ABCA4: variants seen among roughly 807,000 people sequenced by gnomAD.
The protein encoded by ABCA4 is ATP binding cassette subfamily A member 4, also known as retinal-specific phospholipid-transporting ATPase ABCA4.
Under a neutral mutation model 263.7 loss-of-function variants are expected in ABCA4, and 196 were observed. That is an observed-to-expected ratio of 0.74 (90% CI 0.66 to 0.84). The LOEUF (loss-of-function observed/expected upper bound fraction) is 0.84, where lower values mean the gene tolerates loss of function less well. Among genes scored for constraint, ABCA4 ranks in the 40% least tolerant of loss-of-function variants. The pLI, the probability that ABCA4 is intolerant of heterozygous loss-of-function variation, is 0.00. For synonymous variants in ABCA4, 1,133 were observed against 1,094.2 expected (o/e 1.04, Z -0.70); for missense variants, 2,792 against 2,855.1 (o/e 0.98, Z 0.50).
intron 45 of ABCA4, chr1:94,001,506 C>T (rs1472269051): frequency 1.1e-5 from 6 of 549,728 alleles, no homozygotes; most frequent in Non-Finnish European, 2.1e-5. Context: ...CCTGGCCTGG[C>T]TCAGCTCAGG....
At chr1:93,994,289 A>G (rs1304424300) in intron 49 of ABCA4, among the ~76,000 whole-genome samples, 2 of 152,240 alleles carry the variant, frequency 1.3e-5, no homozygotes, top group African/African-American at 4.8e-5. Flanking sequence ...AGAGTATAAG[A>G]TTGCATAAGA....
In ABCA4 at chr1:94,098,911, G is replaced by C; in HGVS notation, c.651C>G (p.Ser217Arg). 1 of 1,613,878 alleles carries C rather than the reference G, an allele frequency of 6.2e-7. No homozygotes were observed. The highest frequency in any genetic ancestry group is 2.2e-5 in the East Asian group (1 of 44,878). The change falls in exon 6 of 50, where the codon AGC becomes AGG. Residue 217 changes from serine (S) to arginine (R), a missense_variant. Ser to Arg is a moderately radical substitution (Grantham distance 110). Coordinates refer to ENST00000370225, the MANE Select transcript of ABCA4 (RefSeq NM_000350.3). ...GCACCGTCTTTGCCCCGCGTCTCTG[G>C]CTGAAGATGATGAAGCGCTCCAGGA... Reference protein sequence around the residue: ...EALLERFIIFSQRRGAKTVRY... With the variant: ...EALLERFIIFRQRRGAKTVRY...
chr1:94,058,174 C>T (rs937244405), intron 14 of ABCA4, among the ~76,000 whole-genome samples: 31 of 152,248 alleles, frequency 2.0e-4, no homozygotes, highest in African/African-American at 6.0e-4. Flanking sequence ...AAGAGACCCA[C>T]GCTTAACTGG....
At chr1:94,096,931 C>G (rs571476220) in intron 6 of ABCA4, among the ~76,000 whole-genome samples, 1 of 152,164 alleles carries the variant, frequency 6.6e-6, no homozygotes, top group Admixed American at 6.5e-5. Context: ...ACAAAGCATG[C>G]GGGCCCTGGA....
At chr1:94,033,266 G>A (rs1161108596) in intron 26 of ABCA4, among the ~76,000 whole-genome samples, 1 of 151,692 alleles carries the variant, frequency 6.6e-6, no homozygotes, top group Non-Finnish European at 1.5e-5. Flanking sequence ...CAAACAACTA[G>A]AAAAGAAATT....
At chr1:94,108,434 G>A in intron 4 of ABCA4, 143 bp downstream of exon 4, 1 of 1,140,372 alleles carries the variant, frequency 8.8e-7, no homozygotes. Context: ...CTTCACCAAG[G>A]TGATGTTCAA....
At chr1:93,993,640 A>T (rs1230389799) in intron 49 of ABCA4, among the ~76,000 whole-genome samples, 1 of 152,074 alleles carries the variant, frequency 6.6e-6, no homozygotes, top group Admixed American at 6.5e-5. Context: ...TGAGGTATAG[A>T]ATTCCCTTGA....
chr1:94,019,587 C>A lies in ABCA4; in HGVS notation c.5191G>T (p.Asp1731Tyr). 1 of 1,604,678 alleles carries A rather than the reference C, an allele frequency of 6.2e-7. No individual in the cohort carries two copies. ...CGCTGTAAACTGACACTTACGATGT[C>A]CCAGAGGAAGTTGGTCACCCAGTAG... ...TTYWVTNFLW[D>Y]IMNYSVSAGL... Residue 1731 changes from aspartate (D) to tyrosine (Y), a missense_variant, in exon 36 of 50, where the codon GAC (aspartate) becomes TAC (tyrosine). By Grantham distance (160) the Asp-to-Tyr change is radical (BLOSUM62 -3). Transcript: ENST00000370225.
chr1:94,117,028 T>TC (rs1662806296), intron 1 of ABCA4, among the ~76,000 whole-genome samples: 1 of 109,844 alleles, frequency 9.1e-6, no homozygotes, highest in African/African-American at 3.5e-5. Context: ...CTTTCTTTCC[T>TC]TTTCTTTCTT....
In ABCA4 at chr1:94,021,373, T is replaced by C. The variant is rs1251460797; in HGVS notation, c.4885A>G (p.Ser1629Gly). 7 of 1,614,210 alleles carry C rather than the reference T, an allele frequency of 4.3e-6. No individual in the cohort carries two copies. Among genetic ancestry groups the C allele is most frequent in the Non-Finnish European group, 5.9e-6 (7 of 1,180,040 alleles). The change falls in exon 35 of 50, where the codon AGC becomes GGC. Residue 1629 changes from serine to glycine, a missense_variant. By Grantham distance (56) the Ser-to-Gly change is moderately conservative. Transcript: ENST00000370225. ...GCGTTGTGGGCCACATTGAGAAAGC[T>C]GACCAGGGCATGCCAGCCTTTGTTA... Reference protein sequence around the residue: ...FNNKGWHALVSFLNVAHNAIL... With the variant: ...FNNKGWHALVGFLNVAHNAIL...
At chr1:94,033,537 T>C (rs1224195907) in intron 26 of ABCA4, among the ~76,000 whole-genome samples, 2 of 152,160 alleles carry the variant, frequency 1.3e-5, no homozygotes, top group Non-Finnish European at 2.9e-5. Context: ...TCGGTTATGT[T>C]GAAGCTACAG....
At chr1:94,104,528 C>T (rs1463988405) in intron 4 of ABCA4, among the ~76,000 whole-genome samples, 8 of 152,194 alleles carry the variant, frequency 5.3e-5, no homozygotes, top group Non-Finnish European at 1.0e-4. Context: ...GCACCATATC[C>T]GGATTTATGT....
At chr1:94,004,504 C>T (rs1480027368) in intron 44 of ABCA4, among the ~76,000 whole-genome samples, 1 of 152,200 alleles carries the variant, frequency 6.6e-6, no homozygotes, top group Non-Finnish European at 1.5e-5. Flanking sequence ...CCACCCTGCC[C>T]AAGAATGAGG....
intron 6 of ABCA4, among the ~76,000 whole-genome samples, chr1:94,096,271 T>C (rs1487370773): frequency 1.3e-5 from 2 of 152,168 alleles, no homozygotes; most frequent in South Asian, 2.1e-4. Context: ...CAGGCATTTG[T>C]AGGACACATT....
chr1:94,092,979 C>T lies in ABCA4; in HGVS notation c.768+5815G>A, dbSNP rs190363868. On this transcript the variant is annotated intron_variant, in intron 6 of 49. Transcript: ENST00000370225. ...GACAAGTCTTATTTTCTCGATTTTA[C>T]GGATGGGAGGCTAAGATTTCCTTTA... is the stretch of plus-strand genomic sequence containing the variant. Among the ~76,000 whole-genome samples the T allele has an allele frequency of 7.6e-4, 115 of 152,228 alleles. 1 individual carries two copies. In the South Asian group the frequency reaches 0.02, roughly 26 times the overall value.
At position 94,065,568 on chromosome 1, in the gene ABCA4, TG is replaced by T. The variant is rs745942335; in HGVS notation, c.1555-2252del. On this transcript the variant is annotated intron_variant, in intron 11 of 49. Coordinates refer to ENST00000370225, the MANE Select transcript of ABCA4 (RefSeq NM_000350.3). ...CAGAGGCTGTGTTTGAACAAGGGGC[TG>T]CACACCCAACACTTCTTGGGCCTCC... Among the ~76,000 whole-genome samples the T allele has an allele frequency of 8.5e-5, 13 of 152,344 alleles. No individual in the cohort carries two copies. The East Asian group carries it at 1.5e-3, about 18-fold the overall frequency.
At chr1:94,048,720 G>T in intron 18 of ABCA4, 148 bp downstream of exon 18, 2 of 767,294 alleles carry the variant, frequency 2.6e-6, no homozygotes, top group African/African-American at 1.7e-5. Flanking sequence ...GGACCTCTGA[G>T]AAGGGATCTG....
chr1:93,996,301 C>A, intron 48 of ABCA4, 106 bp from the exon 49 acceptor site: 1 of 884,354 alleles, frequency 1.1e-6, no homozygotes, highest in Non-Finnish European at 1.8e-6. Flanking sequence ...ACATACAGCC[C>A]TGCTGGTATG....
chr1:94,117,687 C>A (rs1254795507), intron 1 of ABCA4, among the ~76,000 whole-genome samples: 1 of 152,112 alleles, frequency 6.6e-6, no homozygotes, highest in Admixed American at 6.5e-5. Flanking sequence ...TTCTCTCACC[C>A]TCTCCAGCCC....
Sources: gnomAD v4.1 joint callset for allele counts (sites outside exome capture counted in the v4.1 genomes callset) on GRCh38, gnomAD v4.1.1 for gene constraint, MANE v1.5 for transcripts, NCBI Gene and HGNC (gene_info 2026-07-23, HGNC 2026-07-21) for gene names.